The following PDE4D variants were observed in gnomAD, a reference collection of about 807,000 sequenced individuals.
PDE4D encodes the protein 3',5'-cyclic-AMP phosphodiesterase 4D.
In PDE4D, 24 loss-of-function variants were observed where a neutral mutation model predicts 87.4. That is an observed-to-expected ratio of 0.27 (90% confidence interval 0.20 to 0.39). The LOEUF is 0.39. PDE4D is among the 10% of genes least tolerant of loss of function. The probability of loss-of-function intolerance (pLI) is 1.00; values close to 1 mark genes in which losing one functional copy is unlikely to be tolerated. For missense variants in PDE4D, 714 were observed against 1,041.0 expected, an observed-to-expected ratio of 0.69 and a Z score of 4.32; for synonymous variants, 384 against 383.2, an observed-to-expected ratio of 1.00 and a Z score of -0.02.
intron 2 of PDE4D, among the ~76,000 whole-genome samples, chr5:60,161,759 A>C (rs905424967): frequency 1.3e-5 from 2 of 152,196 alleles, no homozygotes; most frequent in Admixed American, 6.5e-5. Context: ...TTGTCGTTAC[A>C]GATGAATTGT....
chr5:59,491,294 T>C (rs1450385497), intron 1 of PDE4D, among the ~76,000 whole-genome samples: 1 of 152,188 alleles, frequency 6.6e-6, no homozygotes, highest in East Asian at 1.9e-4. Context: ...TGAAATCAGA[T>C]ACCATATATA....
At chr5:59,810,262 T>C (rs1768199233) in intron 1 of PDE4D, among the ~76,000 whole-genome samples, 1 of 152,124 alleles carries the variant, frequency 6.6e-6, no homozygotes, top group South Asian at 2.1e-4. Flanking sequence ...CTTCACAGGG[T>C]TACAGAAAAT....
intron 1 of PDE4D, among the ~76,000 whole-genome samples, chr5:59,578,482 C>A (rs759759379): frequency 7.2e-5 from 11 of 152,184 alleles, no homozygotes; most frequent in Non-Finnish European, 1.6e-4. Flanking sequence ...TGACATAATA[C>A]TTTGTGTAAA....
At chr5:59,080,589 A>G (rs116491263) in intron 5 of PDE4D, among the ~76,000 whole-genome samples, 64 of 152,260 alleles carry the variant, frequency 4.2e-4, no homozygotes, top group African/African-American at 1.5e-3. Context: ...GGGAGCAAGT[A>G]TCAGCTGAAA....
intron 1 of PDE4D, among the ~76,000 whole-genome samples, chr5:59,448,770 C>A (rs1234625240): frequency 6.6e-6 from 1 of 152,140 alleles, no homozygotes; most frequent in Admixed American, 6.5e-5. Flanking sequence ...GTAGCTGATA[C>A]TACAGGTGTA....
intron 1 of PDE4D, among the ~76,000 whole-genome samples, chr5:59,690,286 G>A (rs369469667): frequency 2.0e-5 from 3 of 152,156 alleles, no homozygotes; most frequent in Non-Finnish European, 2.9e-5. Context: ...AAAGAACAAA[G>A]CTGGAGGCAT....
intron 5 of PDE4D, chr5:59,063,067 G>T (rs1376657347): frequency 6.6e-6 from 1 of 152,092 alleles, no homozygotes; most frequent in Admixed American, 6.6e-5. Flanking sequence ...AAACAGAACT[G>T]CCCTTTTGTC....
chr5:60,415,683 C>T (rs547134157), intron 1 of PDE4D, among the ~76,000 whole-genome samples: 98 of 152,376 alleles, frequency 6.4e-4, no homozygotes, highest in African/African-American at 2.2e-3. Flanking sequence ...TGCGGCCACG[C>T]CTGAGTCTCC....
intron 3 of PDE4D, among the ~76,000 whole-genome samples, chr5:59,929,975 CA>C (rs1755711553): frequency 6.6e-6 from 1 of 152,008 alleles, no homozygotes. Flanking sequence ...CATCTCTGAC[CA>C]AAGTATAGTG....
At chr5:59,092,016 C>T (rs1398650798) in intron 5 of PDE4D, among the ~76,000 whole-genome samples, 4 of 152,092 alleles carry the variant, frequency 2.6e-5, no homozygotes, top group African/African-American at 9.7e-5. Context: ...GAAGATTTTT[C>T]TCCCCAAAAC....
intron 1 of PDE4D, among the ~76,000 whole-genome samples, chr5:59,537,179 G>C (rs1355527059): frequency 6.6e-6 from 1 of 152,204 alleles, no homozygotes; most frequent in Non-Finnish European, 1.5e-5. Flanking sequence ...AGGATAAAGA[G>C]CACAGGAAAA....
At chr5:59,407,189 T>C (rs951179219) in intron 1 of PDE4D, among the ~76,000 whole-genome samples, 1 of 152,178 alleles carries the variant, frequency 6.6e-6, no homozygotes, top group Non-Finnish European at 1.5e-5. Context: ...GAGCAAGTTC[T>C]CATAAAATCT....
chr5:59,970,765 T>G (rs1419209651), intron 3 of PDE4D, among the ~76,000 whole-genome samples: 2 of 147,724 alleles, frequency 1.4e-5, no homozygotes, highest in Admixed American at 1.4e-4. Context: ...GGTGGGACTG[T>G]AAACTAGTTC....
chr5:59,992,966 A>C (rs1582085238), intron 2 of PDE4D, among the ~76,000 whole-genome samples: 1 of 152,204 alleles, frequency 6.6e-6, no homozygotes, highest in Admixed American at 6.5e-5. Context: ...AAGAGGTTAA[A>C]TGCCTTTATT....
intron 1 of PDE4D, among the ~76,000 whole-genome samples, chr5:59,649,905 C>CATTTTTTTTTTTTTTTTTTTT (rs1743128686): frequency 1.4e-5 from 1 of 72,406 alleles, no homozygotes; most frequent in Non-Finnish European, 2.4e-5. Flanking sequence ...GTTTGTGAAC[C>CATTTTTTTTTTTTTTTTTTTT]TTTTTTTTTT....
At chr5:60,492,450 G>T (rs561712383), upstream of PDE4D, among the ~76,000 whole-genome samples, 11 of 151,882 alleles carry the variant, frequency 7.2e-5, no homozygotes, top group Middle Eastern at 3.4e-3. Flanking sequence ...AGAAAAAATT[G>T]AAAAAACATA....
chr5:60,124,001 C>G (rs545033744), intron 2 of PDE4D, among the ~76,000 whole-genome samples: 3 of 152,210 alleles, frequency 2.0e-5, no homozygotes, highest in African/African-American at 7.2e-5. Flanking sequence ...GTCGCATTTT[C>G]AAATTCCCAT....
intron 1 of PDE4D, among the ~76,000 whole-genome samples, chr5:60,486,919 T>C (rs945835279): frequency 2.0e-5 from 3 of 152,222 alleles, no homozygotes; most frequent in Non-Finnish European, 1.5e-5. Flanking sequence ...AGAAAAAGTA[T>C]AAAAATTATT....
chr5:59,391,139 T>A (rs1189971740), intron 1 of PDE4D, among the ~76,000 whole-genome samples: 1 of 152,138 alleles, frequency 6.6e-6, no homozygotes, highest in African/African-American at 2.4e-5. Flanking sequence ...GAGACTAAAC[T>A]TCTCTGTCTT....
Sources: allele counts gnomAD v4.1 joint callset (sites outside exome capture counted in the v4.1 genomes callset), GRCh38; gene constraint gnomAD v4.1.1; transcripts MANE v1.5; gene names NCBI Gene and HGNC (gene_info 2026-07-23, HGNC 2026-07-21).